HLCS: variants seen among roughly 807,000 people sequenced by gnomAD.
HLCS encodes biotin--protein ligase.
HLCS carries 53 observed loss-of-function variants against 75.0 expected under a neutral mutation model. The ratio of observed to expected loss-of-function variants is 0.71; its 90% CI spans 0.57 to 0.89. The LOEUF is 0.89. HLCS is among the 40% of genes least tolerant of loss of function. The pLI, the probability that HLCS is intolerant of heterozygous loss-of-function variation, is 0.00. For synonymous variants in HLCS, 431 were observed against 428.6 expected (o/e 1.01, Z -0.07); for missense variants, 966 against 1,074.0 (o/e 0.90, Z 1.41).
chr21:36,921,698 G>C (rs556633940), intron 5 of HLCS, among the ~76,000 whole-genome samples: 7 of 152,232 alleles, frequency 4.6e-5, no homozygotes, highest in Non-Finnish European at 1.0e-4. Flanking sequence ...AGCCTCGGAG[G>C]CGCAGCAGCA....
intron 6 of HLCS, among the ~76,000 whole-genome samples, chr21:36,818,111 A>C (rs1161570270): frequency 6.6e-6 from 1 of 152,196 alleles, no homozygotes; most frequent in Non-Finnish European, 1.5e-5. Context: ...CAAAACATCT[A>C]ACTCCTAAAT....
At chr21:36,945,070 A>G (rs1019210523) in intron 2 of HLCS, among the ~76,000 whole-genome samples, 10 of 152,188 alleles carry the variant, frequency 6.6e-5, no homozygotes, top group Admixed American at 5.9e-4. Context: ...CAGTGAGCCA[A>G]GATCACACCA....
chr21:36,825,438 C>G (rs745429060), intron 6 of HLCS, among the ~76,000 whole-genome samples: 1 of 152,028 alleles, frequency 6.6e-6, no homozygotes, highest in Non-Finnish European at 1.5e-5. Context: ...TTAACCTATT[C>G]TTGAGACTGG....
intron 6 of HLCS, among the ~76,000 whole-genome samples, chr21:36,800,612 A>C (rs2061170810): frequency 6.6e-6 from 1 of 152,202 alleles, no homozygotes; most frequent in South Asian, 2.1e-4. Context: ...AGGTTAAGGA[A>C]ACTAAAACCC....
chr21:36,878,071 A>G (rs192939189), intron 6 of HLCS, among the ~76,000 whole-genome samples: 10 of 151,934 alleles, frequency 6.6e-5, no homozygotes, highest in Non-Finnish European at 1.5e-5. Context: ...TATTTTCATC[A>G]TATTCATCTG....
At chr21:36,947,667 G>T in intron 2 of HLCS, 3 of 985,386 alleles carry the variant, frequency 3.0e-6, no homozygotes, top group Non-Finnish European at 3.6e-6. Flanking sequence ...CTCTTGACTT[G>T]ATGTTACAAT....
At chr21:36,906,466 A>G (rs1219406269) in intron 5 of HLCS, among the ~76,000 whole-genome samples, 15 of 152,172 alleles carry the variant, frequency 9.9e-5, no homozygotes, top group Admixed American at 9.8e-4. Flanking sequence ...CCCAGGAGCT[A>G]GGCTGCAACA....
At chr21:36,861,330 A>T (rs914332841) in intron 6 of HLCS, among the ~76,000 whole-genome samples, 3 of 152,192 alleles carry the variant, frequency 2.0e-5, no homozygotes, top group Non-Finnish European at 4.4e-5. Context: ...TCAAGCTCTC[A>T]GGTGCTTCCA....
intron 6 of HLCS, among the ~76,000 whole-genome samples, chr21:36,812,851 G>A (rs1169873389): frequency 1.3e-5 from 2 of 152,156 alleles, no homozygotes; most frequent in African/African-American, 4.8e-5. Flanking sequence ...TTGAGTCCAG[G>A]ATTTCAAGAC....
chr21:36,967,811 C>G (rs993761115), upstream of HLCS, among the ~76,000 whole-genome samples: 1 of 149,170 alleles, frequency 6.7e-6, no homozygotes, highest in Non-Finnish European at 1.5e-5. Flanking sequence ...GCTCTGCCTC[C>G]TGGGTTCAAG....
At chr21:36,925,415 C>A (rs963786704) in intron 5 of HLCS, among the ~76,000 whole-genome samples, 1 of 152,210 alleles carries the variant, frequency 6.6e-6, no homozygotes, top group Non-Finnish European at 1.5e-5. Flanking sequence ...TGGAAAAATT[C>A]TTGTGCTCCC....
At chr21:36,946,042 A>C in intron 2 of HLCS, 1 of 881,804 alleles carries the variant, frequency 1.1e-6, no homozygotes, top group Non-Finnish European at 1.4e-6. Flanking sequence ...AAAAGGGATC[A>C]TCCATAAAGT....
At chr21:36,785,208 G>A (rs146128535) in intron 6 of HLCS, among the ~76,000 whole-genome samples, 214 of 151,988 alleles carry the variant, frequency 1.4e-3, no homozygotes, top group African/African-American at 4.6e-3. Flanking sequence ...CCTGCACCCC[G>A]CCCTGCCAGA....
At chr21:36,876,455 G>A (rs915570011) in intron 6 of HLCS, among the ~76,000 whole-genome samples, 1 of 152,226 alleles carries the variant, frequency 6.6e-6, no homozygotes, top group Admixed American at 6.5e-5. Flanking sequence ...TCTCTACGTA[G>A]GTCTTATGCA....
chr21:36,838,695 C>T (rs2062508339), intron 6 of HLCS, among the ~76,000 whole-genome samples: 1 of 143,958 alleles, frequency 6.9e-6, no homozygotes, highest in Admixed American at 7.0e-5. Flanking sequence ...CAGAGCGAGA[C>T]TCCGTCTCAA....
chr21:36,849,421 C>T (rs1172779960), intron 6 of HLCS, among the ~76,000 whole-genome samples: 1 of 152,240 alleles, frequency 6.6e-6, no homozygotes, highest in East Asian at 1.9e-4. Flanking sequence ...TAGGATCCAG[C>T]AGAAAAGAAT....
At position 36,863,718 on chromosome 21, in the gene HLCS, C is replaced by T. The variant is rs182322825; in HGVS notation, c.1892+33142G>A. ...GAAAACTGAAAATTACTGCAAAATGCCTAAACTTGTTCAAGATTCTCTTTG... is the reference window on the plus strand; with the variant it reads ...GAAAACTGAAAATTACTGCAAAATGTCTAAACTTGTTCAAGATTCTCTTTG... On this transcript the variant is annotated intron_variant, in intron 6 of 10. Coordinates refer to ENST00000674895, the MANE Select transcript of HLCS (RefSeq NM_001352514.2). Among the ~76,000 whole-genome samples, 8 of 152,282 alleles carry T rather than the reference C, an allele frequency of 5.3e-5. No homozygotes were observed. The East Asian group carries it at 5.8e-4, about 11-fold the overall frequency.
At chr21:36,836,464 C>G (rs2062416048) in intron 6 of HLCS, among the ~76,000 whole-genome samples, 1 of 103,690 alleles carries the variant, frequency 9.6e-6, no homozygotes, top group Admixed American at 1.3e-4. Flanking sequence ...CCTCCCCCCT[C>G]CCCCCACCCC....
intron 6 of HLCS, among the ~76,000 whole-genome samples, chr21:36,818,673 T>TA (rs1411469810): frequency 6.6e-6 from 1 of 152,212 alleles, no homozygotes; most frequent in Admixed American, 6.5e-5. Context: ...AACCCACTTT[T>TA]AAAAAACAGA....
Sources: allele counts gnomAD v4.1 joint callset (sites outside exome capture counted in the v4.1 genomes callset), GRCh38; gene constraint gnomAD v4.1.1; transcripts MANE v1.5; gene names NCBI Gene and HGNC (gene_info 2026-07-23, HGNC 2026-07-21).